The following FAM3D variants were observed in gnomAD, a reference collection of about 807,000 sequenced individuals.
FAM3D encodes the protein FAM3 metabolism regulating signaling molecule D, also known as protein FAM3D.
A neutral mutation model predicts 29.8 loss-of-function variants in FAM3D; 26 were observed. The ratio of observed to expected loss-of-function variants is 0.87; its 90% CI spans 0.64 to 1.21. FAM3D has a LOEUF of 1.21. Among genes scored for constraint, FAM3D ranks in the 50% most tolerant of loss-of-function variants. The pLI, the probability that FAM3D is intolerant of heterozygous loss-of-function variation, is 0.00. For synonymous variants in FAM3D, 115 were observed against 102.3 expected, an observed-to-expected ratio of 1.12 and a Z score of -0.75; for missense variants, 253 against 290.9, an observed-to-expected ratio of 0.87 and a Z score of 0.95.
At chr3:58,661,687 G>A (rs2066933886) in intron 1 of FAM3D, among the ~76,000 whole-genome samples, 1 of 152,100 alleles carries the variant, frequency 6.6e-6, no homozygotes, top group Non-Finnish European at 1.5e-5. Flanking sequence ...GTCCTCTCTC[G>A]GCCTCAGCTT....
chr3:58,641,747 G>A (rs1002297001), intron 6 of FAM3D, among the ~76,000 whole-genome samples: 8 of 152,148 alleles, frequency 5.3e-5, no homozygotes, highest in Non-Finnish European at 1.2e-4. Context: ...ACAGTGATGG[G>A]GTTAAATGAA....
intron 6 of FAM3D, among the ~76,000 whole-genome samples, chr3:58,642,759 G>A (rs1575475130): frequency 6.6e-6 from 1 of 152,120 alleles, no homozygotes; most frequent in Admixed American, 6.5e-5. Context: ...CCAAGCTGGA[G>A]GGAGGTTTCT....
chr3:58,650,818 C>G (rs1398258116), intron 3 of FAM3D, among the ~76,000 whole-genome samples: 1 of 151,906 alleles, frequency 6.6e-6, no homozygotes, highest in Non-Finnish European at 1.5e-5. Flanking sequence ...CCCGGGTTCA[C>G]GCCATTCTCC....
At chr3:58,636,762 A>T (rs3816289) in intron 8 of FAM3D, among the ~76,000 whole-genome samples, 58,713 of 113,472 alleles carry the variant, frequency 0.52, 12,106 homozygotes, top group South Asian at 0.68. Flanking sequence ...ATGTATTTCC[A>T]TACAGTGTTT....
rs2066740263 is a variant in FAM3D, at chr3:58,654,716, T to G, written c.13+835A>C. ...TCTCCCCTGCTCCCCAGCCCCGAAT[T>G]CAGCTCTAGAGCCTTGAACTAGTCT... On this transcript the variant is annotated intron_variant, in intron 2 of 9. Transcript: ENST00000358781. 3.4e-5 allele frequency among the ~76,000 whole-genome samples: 5 copies of G among 147,808 alleles called. No homozygotes were observed. The South Asian group carries it at 1.1e-3, about 32-fold the overall frequency.
chr3:58,658,752 C>T (rs1252460876), intron 1 of FAM3D, among the ~76,000 whole-genome samples: 1 of 152,158 alleles, frequency 6.6e-6, no homozygotes, highest in African/African-American at 2.4e-5. Flanking sequence ...GCAAGGCCAA[C>T]CAGACTTTTC....
intron 4 of FAM3D, among the ~76,000 whole-genome samples, chr3:58,649,082 C>T (rs1393706969): frequency 6.6e-6 from 1 of 152,144 alleles, no homozygotes; most frequent in African/African-American, 2.4e-5. Flanking sequence ...TGAACTGTGT[C>T]TCTACAGTCT....
intron 7 of FAM3D, among the ~76,000 whole-genome samples, chr3:58,638,083 C>T (rs1458648129): frequency 6.6e-6 from 1 of 152,068 alleles, no homozygotes; most frequent in African/African-American, 2.4e-5. Context: ...GGAGTTTCTC[C>T]ATGTTGGTCA....
At chr3:58,650,174 A>G (rs868779314) in intron 3 of FAM3D, among the ~76,000 whole-genome samples, 1 of 152,240 alleles carries the variant, frequency 6.6e-6, no homozygotes, top group Non-Finnish European at 1.5e-5. Context: ...CAGAGGAAGC[A>G]GAAATCCTAG....
chr3:58,663,925 G>T (rs1450764159), intron 1 of FAM3D, among the ~76,000 whole-genome samples: 1 of 152,180 alleles, frequency 6.6e-6, no homozygotes, highest in East Asian at 1.9e-4. Context: ...CTCGCCAGAG[G>T]AATTCCATAC....
chr3:58,652,186 G>C (rs1483093671), intron 3 of FAM3D, among the ~76,000 whole-genome samples: 1 of 152,180 alleles, frequency 6.6e-6, no homozygotes, highest in Non-Finnish European at 1.5e-5. Flanking sequence ...TCTCCAAGAG[G>C]AACTTGGGTG....
At chr3:58,640,776 A>T (rs1232217490) in intron 6 of FAM3D, among the ~76,000 whole-genome samples, 1 of 152,190 alleles carries the variant, frequency 6.6e-6, no homozygotes, top group African/African-American at 2.4e-5. Context: ...TTCTGGAGGA[A>T]CGTTACAGTT....
At chr3:58,645,383 C>T in intron 5 of FAM3D, 126 bp downstream of exon 5, 1 of 623,092 alleles carries the variant, frequency 1.6e-6, no homozygotes. Context: ...CTCACACACC[C>T]AGAGTGAAAG....
Position 58,659,479 on chromosome 3 carries a change from G to A in FAM3D, c.-38-3878C>T, listed in dbSNP as rs193208435. Among the ~76,000 whole-genome samples the A allele has an allele frequency of 2.6e-5, 4 of 152,354 alleles. No homozygotes were observed. The East Asian group carries it at 7.7e-4, about 29-fold the overall frequency. On this transcript the variant is annotated intron_variant, in intron 1 of 9. Coordinates refer to ENST00000358781, the MANE Select transcript of FAM3D (RefSeq NM_138805.3). ...AGATGCTGTCTCTCCAGGCTGAGAA[G>A]GTGGAGCAGTGCACCCTGGTGGAGA...
At chr3:58,664,690 A>G (rs2066996881) in intron 1 of FAM3D, among the ~76,000 whole-genome samples, 1 of 152,266 alleles carries the variant, frequency 6.6e-6, no homozygotes, top group Non-Finnish European at 1.5e-5. Context: ...CTGGGATTCA[A>G]ATGCCAAAGG....
chr3:58,647,460 A>G (rs1037458265), intron 4 of FAM3D, among the ~76,000 whole-genome samples: 1 of 152,210 alleles, frequency 6.6e-6, no homozygotes, highest in African/African-American at 2.4e-5. Context: ...CCCCACCTCC[A>G]GCCACATGCA....
intron 5 of FAM3D, among the ~76,000 whole-genome samples, 183 bp from the exon 6 acceptor site, chr3:58,643,903 A>T (rs1352054199): frequency 6.6e-6 from 1 of 152,168 alleles, no homozygotes; most frequent in East Asian, 1.9e-4. Context: ...TTCTCTGAAG[A>T]GTTTCTCAAG....
At chr3:58,640,737 G>A (rs1007879462) in intron 6 of FAM3D, among the ~76,000 whole-genome samples, 4 of 152,240 alleles carry the variant, frequency 2.6e-5, no homozygotes, top group East Asian at 1.9e-4. Flanking sequence ...GGAGGTGGCC[G>A]AAGGCCAAGC....
Position 58,645,615 on chromosome 3 carries a change from A to G in FAM3D, c.157T>C (p.Tyr53His), listed in dbSNP as rs1477238932. ...CAGGGCTTGATGAGGCCACACTTGT[A>G]CTTTTTAACCTCTGGGGAGGAAAGA... is the stretch of plus-strand genomic sequence containing the variant. Reference protein sequence around the residue: ...SPTKEIQVKKYKCGLIKPCPA... With the variant: ...SPTKEIQVKKHKCGLIKPCPA... The change falls in exon 5 of 10, where the codon TAC becomes CAC. Residue 53 changes from tyrosine (Y) to histidine (H), a missense_variant. Transcript: ENST00000358781. 1.2e-6 allele frequency: 2 copies of G among 1,614,128 alleles called. No homozygotes were observed. Among genetic ancestry groups the G allele is most frequent in the Non-Finnish European group, 8.5e-7 (1 of 1,180,004 alleles).
Sources: allele counts gnomAD v4.1 joint callset (sites outside exome capture counted in the v4.1 genomes callset), GRCh38; gene constraint gnomAD v4.1.1; transcripts MANE v1.5; gene names NCBI Gene and HGNC (gene_info 2026-07-23, HGNC 2026-07-21).